PLXNA4: variants seen among roughly 807,000 people sequenced by gnomAD.
PLXNA4 encodes the protein plexin A4.
A neutral mutation model predicts 191.8 loss-of-function variants in PLXNA4; 44 were observed. The ratio of observed to expected loss-of-function variants is 0.23; its 90% CI spans 0.18 to 0.29. The LOEUF (loss-of-function observed/expected upper bound fraction) is 0.29. PLXNA4 is among the 10% of genes least tolerant of loss of function. PLXNA4 has a pLI of 1.00. For synonymous variants in PLXNA4, 1,082 were observed against 1,009.5 expected, an observed-to-expected ratio of 1.07 and a Z score of -1.36; for missense variants, 1,800 against 2,488.8, an observed-to-expected ratio of 0.72 and a Z score of 5.89.
chr7:132,240,972 G>T (rs1798857298), intron 5 of PLXNA4, 94 bp downstream of exon 5: 2 of 799,402 alleles, frequency 2.5e-6, no homozygotes, highest in African/African-American at 1.7e-5. Context: ...AGAAAAGACA[G>T]ATCAAAGGGA....
At chr7:132,360,977 T>C (rs1038289869) in intron 3 of PLXNA4, among the ~76,000 whole-genome samples, 2 of 152,222 alleles carry the variant, frequency 1.3e-5, no homozygotes, top group Admixed American at 1.3e-4. Context: ...GCATGGTAAA[T>C]GGAGCAAAGA....
intron 30 of PLXNA4, among the ~76,000 whole-genome samples, chr7:132,139,621 C>T (rs1795207959): frequency 6.6e-6 from 1 of 152,182 alleles, no homozygotes; most frequent in African/African-American, 2.4e-5. Context: ...TGTGGGGCTA[C>T]CTCATTCTGT....
At chr7:132,293,325 T>C (rs1380566554) in intron 4 of PLXNA4, among the ~76,000 whole-genome samples, 1 of 152,242 alleles carries the variant, frequency 6.6e-6, no homozygotes, top group Non-Finnish European at 1.5e-5. Flanking sequence ...GAGTTTCATG[T>C]GGCTGGGGAG....
At chr7:132,439,448 A>ATG (rs1795602452) in intron 3 of PLXNA4, among the ~76,000 whole-genome samples, 1 of 152,194 alleles carries the variant, frequency 6.6e-6, no homozygotes, top group East Asian at 1.9e-4. Flanking sequence ...CAAATACACA[A>ATG]TATATCCATA....
chr7:132,207,323 C>T (rs968274090), intron 10 of PLXNA4, among the ~76,000 whole-genome samples: 9 of 152,232 alleles, frequency 5.9e-5, no homozygotes, highest in South Asian at 2.1e-4. Flanking sequence ...CATGAGTCCG[C>T]GGAAGCTGGG....
At chr7:132,429,470 C>T (rs967374338) in intron 3 of PLXNA4, among the ~76,000 whole-genome samples, 25 of 152,168 alleles carry the variant, frequency 1.6e-4, no homozygotes, top group Admixed American at 1.4e-3. Context: ...CATCACACCA[C>T]GAAAGCAGGC....
rs186104110 is a variant in PLXNA4, at chr7:132,528,735, G to A, written c.-86-19956C>T. On this transcript the variant is annotated intron_variant, in intron 1 of 31. Coordinates refer to ENST00000321063, the MANE Select transcript of PLXNA4 (RefSeq NM_020911.2). ...CCCATGAGAGAGGCACCACTGATGT[G>A]CCTGCAATGGCTGAACAGAGAGAAG... Among the ~76,000 whole-genome samples, 30 of 152,372 alleles carry A rather than the reference G, an allele frequency of 2.0e-4. 1 individual carries two copies. Among genetic ancestry groups the A allele is most frequent in the Middle Eastern group, 6.8e-3 (2 of 294 alleles).
intron 1 of PLXNA4, among the ~76,000 whole-genome samples, chr7:132,551,815 G>A (rs555217430): frequency 7.5e-4 from 114 of 152,270 alleles, no homozygotes; most frequent in Admixed American, 1.7e-3. Context: ...ACCAGACATC[G>A]ATGTTAAATA....
intron 2 of PLXNA4, among the ~76,000 whole-genome samples, chr7:132,595,014 TAGATAGACAGAC>T (rs869253535): frequency 0.2 from 4,418 of 21,744 alleles, 100 homozygotes; most frequent in South Asian, 0.38. Flanking sequence ...GATAGATAGA[TAGATAGACAGAC>T]AGACAGACAG....
intron 4 of PLXNA4, among the ~76,000 whole-genome samples, chr7:132,252,474 G>C (rs184424403): frequency 7.3e-4 from 111 of 151,946 alleles, no homozygotes; most frequent in Admixed American, 2.7e-3. Flanking sequence ...ACCACACCCA[G>C]CTAATTTTTG....
At chr7:132,497,905 G>A (rs1446979960) in intron 2 of PLXNA4, among the ~76,000 whole-genome samples, 1 of 152,144 alleles carries the variant, frequency 6.6e-6, no homozygotes, top group East Asian at 1.9e-4. Context: ...TAGGGAAAAC[G>A]AATGTGTAAC....
intron 2 of PLXNA4, among the ~76,000 whole-genome samples, chr7:132,501,460 G>A (rs1005277066): frequency 3.3e-5 from 5 of 152,186 alleles, no homozygotes; most frequent in Non-Finnish European, 7.3e-5. Context: ...CAGCCTGTGT[G>A]ACTCCTGGGT....
intron 3 of PLXNA4, among the ~76,000 whole-genome samples, chr7:132,343,107 T>TG (rs1803103640): frequency 7.2e-6 from 1 of 138,502 alleles, no homozygotes; most frequent in South Asian, 2.2e-4. Context: ...ACAGTTAAGA[T>TG]TTTTTTTTTT....
At chr7:132,297,406 G>A (rs1186204056) in intron 4 of PLXNA4, among the ~76,000 whole-genome samples, 1 of 152,140 alleles carries the variant, frequency 6.6e-6, no homozygotes, top group East Asian at 1.9e-4. Flanking sequence ...TTTGCCTGCT[G>A]CAGACATATG....
chr7:132,453,825 C>T (rs1167141709), intron 3 of PLXNA4, among the ~76,000 whole-genome samples: 1 of 152,228 alleles, frequency 6.6e-6, no homozygotes, highest in Non-Finnish European at 1.5e-5. Flanking sequence ...TAGGCGTGAG[C>T]CACCGCGCCC....
At chr7:132,186,715 C>T (rs1022227908) in intron 15 of PLXNA4, among the ~76,000 whole-genome samples, 1 of 152,230 alleles carries the variant, frequency 6.6e-6, no homozygotes, top group African/African-American at 2.4e-5. Flanking sequence ...TGCTTTTAAC[C>T]TCCAAGCTAC....
At chr7:132,409,508 C>T (rs1434658679) in intron 3 of PLXNA4, among the ~76,000 whole-genome samples, 1 of 152,300 alleles carries the variant, frequency 6.6e-6, no homozygotes, top group East Asian at 1.9e-4. Flanking sequence ...TCTGTCCCTC[C>T]TTCGATCATC....
chr7:132,393,023 C>A (rs1225290909), intron 3 of PLXNA4, among the ~76,000 whole-genome samples: 1 of 152,116 alleles, frequency 6.6e-6, no homozygotes, highest in Non-Finnish European at 1.5e-5. Flanking sequence ...CCCACCCTAC[C>A]CCATGCCCCA....
rs1163702006 is a variant in PLXNA4, at chr7:132,130,501, G to T, written c.5663C>A (p.Thr1888Asn). The change falls in exon 32 of 32, where the codon ACC becomes AAC. Residue 1888 changes from threonine (T) to asparagine (N), a missense_variant. Thr to Asn is a moderately conservative substitution (Grantham distance 65). Coordinates refer to ENST00000321063, the MANE Select transcript of PLXNA4 (RefSeq NM_020911.2). ...TTCTCAGCTGTCTAAGCTCATGAGG[G>T]TTATGACTTGTTCTAGTTTGTAGGC... ...KLAYKLEQVI[T>N]LMSLDS 2 of 1,614,192 alleles carry T rather than the reference G, an allele frequency of 1.2e-6. No individual in the cohort carries two copies. The highest frequency in any genetic ancestry group is 1.7e-6 in the Non-Finnish European group (2 of 1,180,022).
Sources: gnomAD v4.1 joint callset for allele counts (sites outside exome capture counted in the v4.1 genomes callset) on GRCh38, gnomAD v4.1.1 for gene constraint, MANE v1.5 for transcripts, NCBI Gene and HGNC (gene_info 2026-07-23, HGNC 2026-07-21) for gene names.